Variants in PDGFD observed in about 807,000 individuals in gnomAD.
PDGFD encodes the protein platelet-derived growth factor D.
Under a neutral mutation model 44.7 loss-of-function variants are expected in PDGFD, and 30 were observed. The observed-to-expected ratio is 0.67, with a 90% CI of 0.50 to 0.91. The LOEUF (loss-of-function observed/expected upper bound fraction) is 0.91. Among genes scored for constraint, PDGFD ranks in the 40% least tolerant of loss-of-function variants. PDGFD has a pLI of 0.00. For missense variants in PDGFD, 445 were observed against 457.8 expected (o/e 0.97, Z 0.25); for synonymous variants, 173 against 168.4 (o/e 1.03, Z -0.21).
chr11:103,977,306 A>C (rs1402793711), intron 3 of PDGFD, among the ~76,000 whole-genome samples: 1 of 152,112 alleles, frequency 6.6e-6, no homozygotes, highest in African/African-American at 2.4e-5. Flanking sequence ...TATCCCAAAC[A>C]ATTGAAAAAG....
intron 1 of PDGFD, among the ~76,000 whole-genome samples, chr11:104,042,182 T>C (rs1367967193): frequency 6.6e-6 from 1 of 152,224 alleles, no homozygotes; most frequent in Non-Finnish European, 1.5e-5. Context: ...GGTACCGATT[T>C]ATATGGTGGG....
chr11:103,965,491 C>T (rs1047026731), intron 3 of PDGFD, among the ~76,000 whole-genome samples: 1 of 152,186 alleles, frequency 6.6e-6, no homozygotes, highest in Non-Finnish European at 1.5e-5. Context: ...AAAATTCCCC[C>T]TTGACATTTG....
In PDGFD at chr11:103,970,378, T is replaced by C. The variant is rs1859086106; in HGVS notation, c.511-22654A>G. On this transcript the variant is annotated intron_variant, in intron 3 of 6. Transcript: ENST00000393158. Reference sequence around the variant, plus strand: ...TTACCTGAAATTTCGAACGAGAAAGTTCTTCTATGAAATATAGCAAGTGAT... The same window carrying C: ...TTACCTGAAATTTCGAACGAGAAAGCTCTTCTATGAAATATAGCAAGTGAT... 3.3e-5 allele frequency among the ~76,000 whole-genome samples: 5 copies of C among 152,106 alleles called. No individual in the cohort carries two copies. The South Asian group carries it at 1.0e-3, about 31-fold the overall frequency.
At chr11:103,994,451 G>A (rs1038541569) in intron 3 of PDGFD, among the ~76,000 whole-genome samples, 6 of 152,046 alleles carry the variant, frequency 3.9e-5, no homozygotes, top group Non-Finnish European at 8.8e-5. Flanking sequence ...CATGCTTGAT[G>A]GATTATTTTC....
chr11:104,113,771 T>C (rs542852219), intron 1 of PDGFD, among the ~76,000 whole-genome samples: 4 of 152,210 alleles, frequency 2.6e-5, no homozygotes, highest in African/African-American at 9.6e-5. Flanking sequence ...CACATTCTTG[T>C]CAGCATTTGG....
At chr11:104,031,606 C>T (rs1017588993) in intron 1 of PDGFD, among the ~76,000 whole-genome samples, 3 of 152,124 alleles carry the variant, frequency 2.0e-5, no homozygotes, top group African/African-American at 7.2e-5. Context: ...GGATCCAGAA[C>T]CAGAAATACC....
chr11:104,021,383 AG>A (rs1431588849), intron 1 of PDGFD, among the ~76,000 whole-genome samples: 1 of 152,136 alleles, frequency 6.6e-6, no homozygotes, highest in Non-Finnish European at 1.5e-5. Context: ...GTGACTTTGT[AG>A]TACTCCCTCT....
intron 3 of PDGFD, among the ~76,000 whole-genome samples, chr11:103,948,124 T>A (rs1323048344): frequency 6.6e-6 from 1 of 152,204 alleles, no homozygotes; most frequent in African/African-American, 2.4e-5. Flanking sequence ...CTGAATAAAG[T>A]GTTTGATAAA....
intron 1 of PDGFD, among the ~76,000 whole-genome samples, chr11:104,066,749 C>T (rs2134417931): frequency 6.6e-6 from 1 of 152,196 alleles, no homozygotes; most frequent in Non-Finnish European, 1.5e-5. Context: ...ACTCTTGGCC[C>T]TATTGGCATC....
chr11:104,157,349 G>A lies in PDGFD; in HGVS notation c.124+6455C>T, dbSNP rs149009351. Among the ~76,000 whole-genome samples, 897 of 152,238 alleles carry A rather than the reference G, an allele frequency of 5.9e-3. 6 individuals are homozygous for A. The highest frequency in any genetic ancestry group is 0.019 in the African/African-American group (770 of 41,518). On this transcript the variant is annotated intron_variant, in intron 1 of 6. Transcript: ENST00000393158. ...AAGACTGGCCCTGATCACAGCCTCGGCCTTGCGGACTATTCAGGAACACTC... is the reference window on the plus strand; with the variant it reads ...AAGACTGGCCCTGATCACAGCCTCGACCTTGCGGACTATTCAGGAACACTC...
chr11:103,962,750 T>C (rs957167607), intron 3 of PDGFD, among the ~76,000 whole-genome samples: 2 of 152,182 alleles, frequency 1.3e-5, no homozygotes, highest in African/African-American at 4.8e-5. Flanking sequence ...GATTCCTGAT[T>C]GTAAACTGGG....
chr11:104,056,636 C>T (rs1860620481), intron 1 of PDGFD, among the ~76,000 whole-genome samples: 1 of 152,170 alleles, frequency 6.6e-6, no homozygotes, highest in Non-Finnish European at 1.5e-5. Flanking sequence ...GATTCTGCCT[C>T]AGAGCCTCCA....
chr11:104,128,633 T>C (rs1046243784), intron 1 of PDGFD, among the ~76,000 whole-genome samples: 4 of 152,200 alleles, frequency 2.6e-5, no homozygotes, highest in African/African-American at 4.8e-5. Context: ...AGAAGCAGTA[T>C]AGAATTGGTT....
Position 104,115,010 on chromosome 11 carries a change from C to T in PDGFD, c.124+48794G>A, listed in dbSNP as rs953942016. ...GTGTTCCCCTCACCCGAGCAGTATA[C>T]ACTGCACCTAATTTGTAGTCTTTTA... On this transcript the variant is annotated intron_variant, in intron 1 of 6. Coordinates refer to ENST00000393158, the MANE Select transcript of PDGFD (RefSeq NM_025208.5). 5.9e-5 allele frequency among the ~76,000 whole-genome samples: 9 copies of T among 151,484 alleles called. No homozygotes were observed. In the East Asian group the frequency reaches 1.8e-3, roughly 29 times the overall value.
intron 3 of PDGFD, among the ~76,000 whole-genome samples, chr11:103,985,140 A>AT (rs1859342255): frequency 7.1e-6 from 1 of 141,076 alleles, no homozygotes; most frequent in Non-Finnish European, 1.5e-5. Context: ...TATTTAATAT[A>AT]TAATATATTA....
chr11:104,107,370 C>T (rs1004577161), intron 1 of PDGFD, among the ~76,000 whole-genome samples: 2 of 152,170 alleles, frequency 1.3e-5, no homozygotes, highest in South Asian at 4.2e-4. Context: ...CATCCTGTAA[C>T]CACAAAGAAC....
chr11:104,144,096 C>T lies in PDGFD; in HGVS notation c.124+19708G>A, dbSNP rs76122540. On this transcript the variant is annotated intron_variant, in intron 1 of 6. Coordinates refer to ENST00000393158, the MANE Select transcript of PDGFD (RefSeq NM_025208.5). ...GGCTGAAAACTTGCTTGATCTACAA[C>T]TGTGACTTGAAGGTACTCCATCAAG... 7.8e-3 allele frequency among the ~76,000 whole-genome samples: 1,184 copies of T among 152,248 alleles called. 18 individuals are homozygous for T. Among genetic ancestry groups the T allele is most frequent in the African/African-American group, 0.027 (1,106 of 41,538 alleles).
intron 1 of PDGFD, among the ~76,000 whole-genome samples, chr11:104,143,542 G>A (rs1334778737): frequency 6.6e-6 from 1 of 152,100 alleles, no homozygotes; most frequent in East Asian, 1.9e-4. Context: ...AGCTCTTTGG[G>A]GAAGCCTTAG....
chr11:104,057,606 T>C (rs1860641887), intron 1 of PDGFD, among the ~76,000 whole-genome samples: 1 of 152,130 alleles, frequency 6.6e-6, no homozygotes, highest in African/African-American at 2.4e-5. Context: ...GGATCATTCA[T>C]AACCCAAACC....
Sources: allele counts gnomAD v4.1 joint callset (sites outside exome capture counted in the v4.1 genomes callset), GRCh38; gene constraint gnomAD v4.1.1; transcripts MANE v1.5; gene names NCBI Gene and HGNC (gene_info 2026-07-23, HGNC 2026-07-21).